ATM: variants seen among roughly 807,000 people sequenced by gnomAD.
ATM encodes serine-protein kinase ATM.
Under a neutral mutation model 387.0 loss-of-function variants are expected in ATM, and 308 were observed. That is an observed-to-expected ratio of 0.80 (90% CI 0.73 to 0.87). The LOEUF (loss-of-function observed/expected upper bound fraction) is 0.87, where lower values mean the gene tolerates loss of function less well. ATM is among the 40% of genes least tolerant of loss of function. The pLI, the probability that ATM is intolerant of heterozygous loss-of-function variation, is 0.00. For synonymous variants in ATM, 1,156 were observed against 1,187.3 expected, an observed-to-expected ratio of 0.97 and a Z score of 0.54; for missense variants, 3,312 against 3,560.9, an observed-to-expected ratio of 0.93 and a Z score of 1.78.
At chr11:108,305,094 A>G (rs573819829) in intron 37 of ATM, among the ~76,000 whole-genome samples, 91 of 152,348 alleles carry the variant, frequency 6.0e-4, no homozygotes, top group African/African-American at 2.1e-3. Flanking sequence ...CATTTTGGCT[A>G]TTGATAATGG....
intron 22 of ATM, 120 bp from the exon 23 acceptor site, chr11:108,279,371 G>A: frequency 2.7e-6 from 2 of 748,246 alleles, no homozygotes; most frequent in Admixed American, 2.1e-5. Context: ...GAAAGAGCTA[G>A]TATGTTATTA....
Position 108,279,602 on chromosome 11 carries a change from A to AG in ATM, c.3397dup (p.Glu1133GlyfsTer5). ...ACTTGAAAGCTCAGGAAGGAATGAG[A>AG]GAAATGGTAATTTTAAGTAACATGT... On this transcript the variant is annotated frameshift_variant, in exon 23 of 63. Coordinates refer to ENST00000675843, the MANE Select transcript of ATM (RefSeq NM_000051.4). LOFTEE classifies it high-confidence loss of function. 6.2e-7 allele frequency: 1 copy of AG among 1,604,680 alleles called. No homozygotes were observed. Among genetic ancestry groups the AG allele is most frequent in the Non-Finnish European group, 8.5e-7 (1 of 1,171,730 alleles).
intron 49 of ATM, chr11:108,329,440 T>G: frequency 5.2e-6 from 3 of 573,264 alleles, no homozygotes; most frequent in Non-Finnish European, 9.2e-6. Context: ...AAGGTCTCAC[T>G]CTGTCACCCA....
chr11:108,235,035 T>C (rs1377595240), intron 4 of ATM, among the ~76,000 whole-genome samples: 2 of 152,104 alleles, frequency 1.3e-5, no homozygotes, highest in African/African-American at 2.4e-5. Flanking sequence ...TTATTAAGGT[T>C]ATAATTGTTT....
chr11:108,266,674 G>A (rs1485030049), intron 16 of ATM, among the ~76,000 whole-genome samples: 2 of 151,204 alleles, frequency 1.3e-5, no homozygotes, highest in Non-Finnish European at 2.9e-5. Flanking sequence ...ATATTATTTT[G>A]TTATGTAGAC....
Position 108,334,953 on chromosome 11 carries a change from T to C in ATM, c.8011-16T>C, listed in dbSNP as rs776948701. The C allele has an allele frequency of 3.7e-6, 6 of 1,607,876 alleles. No homozygotes were observed. Among genetic ancestry groups the C allele is most frequent in the Non-Finnish European group, 5.1e-6 (6 of 1,174,362 alleles). On this transcript the variant is annotated splice_polypyrimidine_tract_variant and intron_variant, in intron 54 of 62. Coordinates refer to ENST00000675843, the MANE Select transcript of ATM (RefSeq NM_000051.4). ...TGTATCTGACCTATTATCAATCATG[T>C]TTATACTTTTATTAGGTGGACCACA...
rs763127711 is a variant in ATM at position 108,247,134 on chromosome 11, T to G, written c.1065+7T>G. ...GGCAGATATCTGTCACCAGGTACAG[T>G]AAGTAGGTCATGTCACATTTAGAAA... On this transcript the variant is annotated splice_region_variant and intron_variant, in intron 8 of 62. Coordinates refer to ENST00000675843, the MANE Select transcript of ATM (RefSeq NM_000051.4). 1 of 1,613,584 alleles carries G rather than the reference T, an allele frequency of 6.2e-7. No individual in the cohort carries two copies.
Position 108,368,186 on chromosome 11 carries a change from AGATGACAGAATTAAGATT to A in ATM, c.*2679_*2696del, listed in dbSNP as rs2091429887. On this transcript the variant is annotated 3_prime_UTR_variant, in exon 63 of 63. Coordinates refer to ENST00000675843, the MANE Select transcript of ATM (RefSeq NM_000051.4). ...AGCCTAGGAGAAATAACTAATTCAC[AGATGACAGAATTAAGATT>A]ATAAAAGATTTTTTTTTTGTAATTT... is the stretch of plus-strand genomic sequence containing the variant. 4.8e-6 allele frequency: 1 copy of A among 206,462 alleles called. No individual in the cohort carries two copies. Among genetic ancestry groups the A allele is most frequent in the Admixed American group, 5.9e-5 (1 of 16,822 alleles). The allele number at this position is 206,462 out of a possible 1,614,324, so 12.8% of individuals were successfully genotyped here. A position where few individuals can be genotyped will look rare whatever the true frequency, so the allele number is the denominator to read the frequency against.
intron 46 of ATM, 33 bp from the exon 47 acceptor site, chr11:108,326,025 A>G: frequency 6.2e-7 from 1 of 1,607,946 alleles, no homozygotes; most frequent in Non-Finnish European, 8.5e-7. Context: ...CAGTAGTAAA[A>G]GTATTTATTC....
intron 49 of ATM, among the ~76,000 whole-genome samples, chr11:108,329,947 G>T (rs1031289152): frequency 6.6e-6 from 1 of 152,192 alleles, no homozygotes; most frequent in Non-Finnish European, 1.5e-5. Context: ...AGCCTGTCTT[G>T]AATCTGTATA....
At chr11:108,335,147 T>A in intron 55 of ATM, 38 bp downstream of exon 55, 1 of 1,613,386 alleles carries the variant, frequency 6.2e-7, no homozygotes, top group Non-Finnish European at 8.5e-7. Flanking sequence ...CTTAGAGTTT[T>A]AGTGATGAAA....
chr11:108,272,858 G>C lies in ATM; in HGVS notation c.3284+6G>C, dbSNP rs1228954245. ...GCTGCAGAGTCAATCAATAGGTAAT[G>C]GGTCAAATATTCATGAAGTATTTGG... is the stretch of plus-strand genomic sequence containing the variant. On this transcript the variant is annotated splice_donor_region_variant and intron_variant, in intron 22 of 62. Transcript: ENST00000675843. 1.2e-6 allele frequency: 2 copies of C among 1,613,776 alleles called. No individual in the cohort carries two copies. Among genetic ancestry groups the C allele is most frequent in the African/African-American group, 2.7e-5 (2 of 74,892 alleles).
chr11:108,355,751 A>C (rs2089833608), intron 61 of ATM: 2 of 152,240 alleles, frequency 1.3e-5, no homozygotes, highest in Non-Finnish European at 2.9e-5. Flanking sequence ...GTGCATTTTT[A>C]AAAATCTCTC....
rs567035071 is a variant in ATM at position 108,358,094 on chromosome 11, G to A, written c.8850+3220G>A. The stretch of plus-strand genomic sequence containing the variant: ...ACTAGAATAACCAATACAGAGAAGT[G>A]CTTAAAGGAGCTGATGGAGCTGAAA... On this transcript the variant is annotated intron_variant, in intron 61 of 62. Coordinates refer to ENST00000675843, the MANE Select transcript of ATM (RefSeq NM_000051.4). 5.1e-3 allele frequency among the ~76,000 whole-genome samples: 767 copies of A among 150,576 alleles called. 5 individuals carry two copies. Among genetic ancestry groups the A allele is most frequent in the African/African-American group, 0.017 (689 of 40,834 alleles).
At chr11:108,301,872 C>A in intron 35 of ATM, 83 bp downstream of exon 35, 1 of 1,442,716 alleles carries the variant, frequency 6.9e-7, no homozygotes, top group Non-Finnish European at 9.7e-7. Flanking sequence ...TGTTAAATTG[C>A]TTGAAATAGT....
chr11:108,310,173 A>G lies in ATM; in HGVS notation c.5776A>G (p.Thr1926Ala), dbSNP rs781448339. 2.5e-6 allele frequency: 4 copies of G among 1,613,372 alleles called. No individual in the cohort carries two copies. Among genetic ancestry groups the G allele is most frequent in the Non-Finnish European group, 3.4e-6 (4 of 1,179,688 alleles). Residue 1926 changes from threonine (T) to alanine (A), a missense_variant, in exon 39 of 63, where the codon ACA becomes GCA. Physicochemically the swap from Thr to Ala is moderately conservative, Grantham distance 58. Transcript: ENST00000675843. Reference sequence around the variant, plus strand: ...ATTTTTCTTTAGACCTTCTTCAGGAACAATTTTTAATGATGCTTTCTGGCT... The same window carrying G: ...ATTTTTCTTTAGACCTTCTTCAGGAGCAATTTTTAATGATGCTTTCTGGCT... ...MRRQKRPSSG[T>A]IFNDAFWLDL...
intron 26 of ATM, among the ~76,000 whole-genome samples, chr11:108,286,720 G>A (rs980246294): frequency 6.6e-6 from 1 of 152,146 alleles, no homozygotes; most frequent in African/African-American, 2.4e-5. Context: ...AGGTCAGCAT[G>A]GATTGACCTT....
intron 37 of ATM, among the ~76,000 whole-genome samples, chr11:108,305,570 C>T (rs1211860678): frequency 2.0e-5 from 3 of 152,202 alleles, no homozygotes; most frequent in South Asian, 4.2e-4. Context: ...CTGAACGACA[C>T]AGCGAGACTG....
At chr11:108,362,123 C>G (rs2090838343) in intron 61 of ATM, among the ~76,000 whole-genome samples, 1 of 139,966 alleles carries the variant, frequency 7.1e-6, no homozygotes, top group Non-Finnish European at 1.5e-5. Flanking sequence ...ACAACCCCAT[C>G]AAAAAGTGGG....
Sources: allele counts gnomAD v4.1 joint callset (sites outside exome capture counted in the v4.1 genomes callset), GRCh38; gene constraint gnomAD v4.1.1; transcripts MANE v1.5; gene names NCBI Gene and HGNC (gene_info 2026-07-23, HGNC 2026-07-21).